Variants in SHANK2 observed in about 807,000 individuals in gnomAD.
SHANK2 encodes SH3 and multiple ankyrin repeat domains protein 2.
A neutral mutation model predicts 133.7 loss-of-function variants in SHANK2; 43 were observed. The observed-to-expected ratio is 0.32, with a 90% CI of 0.25 to 0.41. The LOEUF is 0.41. Among genes scored for constraint, SHANK2 ranks in the 10% least tolerant of loss-of-function variants. The pLI is 1.00. For synonymous variants in SHANK2, 1,017 were observed against 952.8 expected, an observed-to-expected ratio of 1.07 and a Z score of -1.24; for missense variants, 1,994 against 2,235.8, an observed-to-expected ratio of 0.89 and a Z score of 2.18.
intron 11 of SHANK2, among the ~76,000 whole-genome samples, chr11:70,843,238 T>C (rs1177724405): frequency 2.8e-5 from 1 of 35,262 alleles, no homozygotes; most frequent in African/African-American, 1.1e-4. Flanking sequence ...TGCTATGGGG[T>C]GGGCTGGGCT....
intron 17 of SHANK2, among the ~76,000 whole-genome samples, chr11:70,574,869 C>T (rs1352263824): frequency 5.3e-5 from 8 of 152,158 alleles, no homozygotes; most frequent in South Asian, 2.1e-4. Context: ...CCCCAAACCT[C>T]GCTGCCCGGC....
chr11:71,230,159 G>A lies in SHANK2; in HGVS notation c.-112-5363C>T, dbSNP rs572321706. Among the ~76,000 whole-genome samples the A allele has an allele frequency of 1.3e-4, 20 of 152,190 alleles. No individual in the cohort carries two copies. In the South Asian group the frequency reaches 1.9e-3, roughly 14 times the overall value. Reference sequence around the variant, plus strand: ...CAAAAAATTAGCCAGGTGTGGTGACGCACACCTGTAAGCCCAGCTACTTGG... The same window carrying A: ...CAAAAAATTAGCCAGGTGTGGTGACACACACCTGTAAGCCCAGCTACTTGG... On this transcript the variant is annotated intron_variant, in intron 1 of 25. Coordinates refer to ENST00000601538, the MANE Select transcript of SHANK2 (RefSeq NM_012309.5).
chr11:71,068,266 T>A (rs1951093997), intron 9 of SHANK2, among the ~76,000 whole-genome samples: 1 of 152,192 alleles, frequency 6.6e-6, no homozygotes, highest in East Asian at 1.9e-4. Context: ...ACACTCCTGC[T>A]GTTTAGAGCC....
intron 17 of SHANK2, among the ~76,000 whole-genome samples, chr11:70,573,236 GCA>G (rs1242458499): frequency 1.4e-5 from 2 of 140,144 alleles, no homozygotes; most frequent in Non-Finnish European, 1.6e-5. Flanking sequence ...TGGGGGCGGG[GCA>G]GGGCTGTGAT....
chr11:70,607,498 T>G (rs144901628), intron 17 of SHANK2, among the ~76,000 whole-genome samples: 1 of 152,386 alleles, frequency 6.6e-6, no homozygotes, highest in East Asian at 1.9e-4. Context: ...GTGCCCATTC[T>G]GTGCCCAGCA....
intron 12 of SHANK2, among the ~76,000 whole-genome samples, chr11:70,811,549 T>TC (rs1407367569): frequency 6.6e-6 from 1 of 151,724 alleles, no homozygotes; most frequent in Non-Finnish European, 1.5e-5. Context: ...ATCCACCCAC[T>TC]ATCCATCATC....
chr11:70,699,713 T>C (rs1410854522), intron 14 of SHANK2, among the ~76,000 whole-genome samples: 5 of 152,250 alleles, frequency 3.3e-5, no homozygotes, highest in Admixed American at 1.3e-4. Flanking sequence ...ACACCTTTCA[T>C]GTGCCCAGAG....
At chr11:71,186,808 C>G (rs573153028) in intron 2 of SHANK2, among the ~76,000 whole-genome samples, 48 of 152,344 alleles carry the variant, frequency 3.2e-4, no homozygotes, top group African/African-American at 1.0e-3. Flanking sequence ...TTGTAGGAAA[C>G]GTGTCCCAGG....
intron 11 of SHANK2, among the ~76,000 whole-genome samples, chr11:70,874,674 TAAAAAAAAA>T (rs34587004): frequency 8.8e-6 from 1 of 114,220 alleles, no homozygotes; most frequent in African/African-American, 3.4e-5. Flanking sequence ...CTGCATTTAC[TAAAAAAAAA>T]AAAAAAAAAA....
chr11:70,835,271 T>C (rs1948795323), intron 11 of SHANK2, among the ~76,000 whole-genome samples: 1 of 152,122 alleles, frequency 6.6e-6, no homozygotes, highest in Non-Finnish European at 1.5e-5. Flanking sequence ...GTGGTGGCCC[T>C]TCTGAGAGCT....
At chr11:70,683,019 G>A (rs1383974275) in intron 15 of SHANK2, among the ~76,000 whole-genome samples, 2 of 152,180 alleles carry the variant, frequency 1.3e-5, no homozygotes, top group Non-Finnish European at 2.9e-5. Flanking sequence ...TGGTGTGACC[G>A]CTGAGCCACA....
At chr11:70,927,073 C>A (rs782209672) in intron 10 of SHANK2, among the ~76,000 whole-genome samples, 6 of 152,186 alleles carry the variant, frequency 3.9e-5, no homozygotes, top group Non-Finnish European at 7.3e-5. Flanking sequence ...GAATACCAGG[C>A]AGGCACACAT....
intron 14 of SHANK2, among the ~76,000 whole-genome samples, chr11:70,798,048 C>T (rs782248315): frequency 2.0e-5 from 3 of 152,168 alleles, no homozygotes; most frequent in Non-Finnish European, 2.9e-5. Flanking sequence ...GAGGCGTTTG[C>T]TACGTGTTCT....
chr11:70,485,247 G>A lies in SHANK2; in HGVS notation c.4979+67C>T. On this transcript the variant is annotated intron_variant, in intron 25 of 25. Transcript: ENST00000601538. This position sits in a 1 kb window ranked among gnomAD's most constrained non-coding sequence, Gnocchi z 5.8. ...GTGTCCGCTGGGGCTGCTACCCGAG[G>A]GCCTTTCCTGGTCAGCAGGGACAGT... 7.2e-7 allele frequency: 1 copy of A among 1,381,918 alleles called. No homozygotes were observed. The highest frequency in any genetic ancestry group is 1.0e-6 in the Non-Finnish European group (1 of 975,340). 85.6% of individuals were successfully genotyped at this position (1,381,918 alleles called of 1,614,324 possible).
chr11:71,145,034 A>C (rs1203732529), intron 3 of SHANK2, among the ~76,000 whole-genome samples: 3 of 152,222 alleles, frequency 2.0e-5, no homozygotes, highest in Non-Finnish European at 4.4e-5. Context: ...TTTTCATAAC[A>C]ATCATTTATA....
At chr11:70,735,565 G>A (rs894490881) in intron 14 of SHANK2, among the ~76,000 whole-genome samples, 2 of 152,126 alleles carry the variant, frequency 1.3e-5, no homozygotes, top group African/African-American at 4.8e-5. Context: ...ATAGCTGGGC[G>A]TGGTGGCGGG....
chr11:70,476,756 T>C (rs1047103406), intron 25 of SHANK2, among the ~76,000 whole-genome samples: 3 of 152,214 alleles, frequency 2.0e-5, no homozygotes, highest in Non-Finnish European at 2.9e-5. Context: ...CATGTGCTTT[T>C]GCTAAAGCTG....
intron 14 of SHANK2, among the ~76,000 whole-genome samples, chr11:70,797,348 C>T (rs1555049322): frequency 6.6e-6 from 1 of 152,222 alleles, no homozygotes; most frequent in African/African-American, 2.4e-5. Context: ...AAGTTTGGGA[C>T]ATGTCTTAAC....
intron 2 of SHANK2, among the ~76,000 whole-genome samples, chr11:71,216,869 C>T (rs1446389280): frequency 2.0e-5 from 3 of 152,172 alleles, no homozygotes; most frequent in African/African-American, 7.2e-5. Flanking sequence ...TATGCATTTA[C>T]TATATTTTTT....
Sources: allele counts gnomAD v4.1 joint callset (sites outside exome capture counted in the v4.1 genomes callset), GRCh38; gene constraint gnomAD v4.1.1; non-coding constraint Gnocchi (gnomAD v3.1); transcripts MANE v1.5; gene names NCBI Gene and HGNC (gene_info 2026-07-23, HGNC 2026-07-21).